The following PKHD1 variants were observed in gnomAD, a reference collection of about 807,000 sequenced individuals.
PKHD1 encodes the protein PKHD1 ciliary IPT domain containing fibrocystin/polyductin, also known as fibrocystin.
Under a neutral mutation model 412.0 loss-of-function variants are expected in PKHD1, and 291 were observed. That is an observed-to-expected ratio of 0.71 (90% CI 0.64 to 0.78). The LOEUF (loss-of-function observed/expected upper bound fraction) is 0.78. Among genes scored for constraint, PKHD1 ranks in the 30% least tolerant of loss-of-function variants. The pLI, the probability that PKHD1 is intolerant of heterozygous loss-of-function variation, is 0.00. For synonymous variants in PKHD1, 1,777 were observed against 1,821.5 expected (o/e 0.98, Z 0.62); for missense variants, 4,825 against 4,950.7 (o/e 0.97, Z 0.76).
At chr6:51,778,284 G>T (rs1791396326) in intron 53 of PKHD1, among the ~76,000 whole-genome samples, 1 of 152,070 alleles carries the variant, frequency 6.6e-6, no homozygotes, top group Non-Finnish European at 1.5e-5. Context: ...TTAAACCTGG[G>T]CAAATTTATG....
At chr6:51,701,414 C>T (rs1779388815) in intron 60 of PKHD1, among the ~76,000 whole-genome samples, 1 of 152,024 alleles carries the variant, frequency 6.6e-6, no homozygotes, top group Admixed American at 6.6e-5. Flanking sequence ...TTAAGTCTGT[C>T]CAAAGATTCT....
intron 43 of PKHD1, among the ~76,000 whole-genome samples, chr6:51,900,872 C>A (rs1260991934): frequency 6.6e-6 from 1 of 152,208 alleles, no homozygotes; most frequent in Admixed American, 6.5e-5. Flanking sequence ...TGAACAGACA[C>A]TTCTCAAAAG....
chr6:51,727,104 A>G (rs184823838), intron 60 of PKHD1, among the ~76,000 whole-genome samples: 9 of 152,324 alleles, frequency 5.9e-5, no homozygotes, highest in Admixed American at 5.2e-4. Context: ...GAAGTTGAGC[A>G]TGAAGCCTGG....
chr6:52,020,834 G>A (rs931053852), intron 33 of PKHD1, among the ~76,000 whole-genome samples: 1 of 151,936 alleles, frequency 6.6e-6, no homozygotes, highest in African/African-American at 2.4e-5. Flanking sequence ...TGAAAATGGA[G>A]AAATTAGTAG....
chr6:51,710,714 A>G (rs1177904095), intron 60 of PKHD1, among the ~76,000 whole-genome samples: 1 of 152,204 alleles, frequency 6.6e-6, no homozygotes, highest in African/African-American at 2.4e-5. Context: ...TTGAATACTT[A>G]TTGAATATAT....
intron 57 of PKHD1, among the ~76,000 whole-genome samples, chr6:51,752,301 G>T (rs75817689): frequency 6.6e-6 from 1 of 152,012 alleles, no homozygotes; most frequent in African/African-American, 2.4e-5. Flanking sequence ...AAGATGTTTG[G>T]CACTACCCAT....
At chr6:51,898,245 A>G (rs1295078830) in intron 43 of PKHD1, among the ~76,000 whole-genome samples, 2 of 150,958 alleles carry the variant, frequency 1.3e-5, no homozygotes, top group Non-Finnish European at 3.0e-5. Context: ...CTATTCCAAA[A>G]TTGACCACAT....
chr6:52,055,808 G>T, intron 18 of PKHD1, 79 bp from the exon 19 acceptor site: 1 of 1,466,980 alleles, frequency 6.8e-7, no homozygotes, highest in Non-Finnish European at 9.4e-7. Context: ...TGTGCATGAG[G>T]ATTTTAGAGT....
intron 6 of PKHD1, among the ~76,000 whole-genome samples, chr6:52,075,370 A>T (rs1371095762): frequency 6.6e-6 from 1 of 152,250 alleles, no homozygotes; most frequent in African/African-American, 2.4e-5. Flanking sequence ...ATTTAGACAC[A>T]ACTATAATAA....
At chr6:51,734,339 C>T (rs1038355514) in intron 60 of PKHD1, among the ~76,000 whole-genome samples, 3 of 152,076 alleles carry the variant, frequency 2.0e-5, no homozygotes, top group Admixed American at 6.5e-5. Flanking sequence ...TTTGAAAATG[C>T]TAAAACAAAT....
chr6:51,640,357 G>C (rs1489430577), intron 63 of PKHD1, among the ~76,000 whole-genome samples: 1 of 152,180 alleles, frequency 6.6e-6, no homozygotes, highest in Admixed American at 6.5e-5. Flanking sequence ...TTAAATACCA[G>C]CTTGCCTTAG....
chr6:51,631,939 C>T (rs3997007), intron 65 of PKHD1, among the ~76,000 whole-genome samples: 5,424 of 129,552 alleles, frequency 0.042, 172 homozygotes, highest in African/African-American at 0.085. Flanking sequence ...TTTTTTTTTT[C>T]TTTTTTTTTT....
At chr6:51,684,050 T>C (rs1265871762) in intron 60 of PKHD1, among the ~76,000 whole-genome samples, 1 of 152,100 alleles carries the variant, frequency 6.6e-6, no homozygotes, top group Non-Finnish European at 1.5e-5. Flanking sequence ...AACATCAACA[T>C]TTCCTGAGTA....
intron 52 of PKHD1, among the ~76,000 whole-genome samples, chr6:51,818,385 C>A (rs1455947352): frequency 6.6e-6 from 1 of 152,130 alleles, no homozygotes; most frequent in Non-Finnish European, 1.5e-5. Context: ...AATAACACAG[C>A]TTTTTAAAGG....
In PKHD1 at chr6:51,638,843, A is replaced by C; in HGVS notation, c.11506+6T>G. 6.4e-7 allele frequency: 1 copy of C among 1,565,040 alleles called. No homozygotes were observed. Among genetic ancestry groups the C allele is most frequent in the Non-Finnish European group, 8.8e-7 (1 of 1,135,256 alleles). The stretch of plus-strand genomic sequence containing the variant: ...CACAGAATAAAAGCACACTGTATAA[A>C]ATTACCTGGAGGAGAAGTGACAGTA... On this transcript the variant is annotated splice_donor_region_variant and intron_variant, in intron 64 of 66. Coordinates refer to ENST00000371117, the MANE Select transcript of PKHD1 (RefSeq NM_138694.4).
intron 36 of PKHD1, among the ~76,000 whole-genome samples, chr6:51,940,524 C>T (rs1012954445): frequency 6.6e-6 from 1 of 151,728 alleles, no homozygotes; most frequent in African/African-American, 2.4e-5. Context: ...AGCCATGCCC[C>T]ATCTGTGTGG....
chr6:51,906,430 A>G, intron 40 of PKHD1, 90 bp from the exon 41 acceptor site: 1 of 958,608 alleles, frequency 1.0e-6, no homozygotes, highest in Non-Finnish European at 1.7e-6. Flanking sequence ...AGCTAAAGAC[A>G]TTCTCCCACA....
chr6:51,886,293 T>C (rs543259294), intron 44 of PKHD1, among the ~76,000 whole-genome samples: 42 of 152,350 alleles, frequency 2.8e-4, no homozygotes, highest in Middle Eastern at 6.8e-3. Flanking sequence ...TCTGTCCTTC[T>C]GCCTTTTCAT....
At chr6:51,628,030 A>T (rs923423620) in intron 65 of PKHD1, among the ~76,000 whole-genome samples, 1 of 152,202 alleles carries the variant, frequency 6.6e-6, no homozygotes, top group African/African-American at 2.4e-5. Flanking sequence ...ATAACATGGC[A>T]TGAAAAGGAG....
Sources: gnomAD v4.1 joint callset for allele counts (sites outside exome capture counted in the v4.1 genomes callset) on GRCh38, gnomAD v4.1.1 for gene constraint, MANE v1.5 for transcripts, NCBI Gene and HGNC (gene_info 2026-07-23, HGNC 2026-07-21) for gene names.